CYP26B1: variants seen among roughly 807,000 people sequenced by gnomAD.
The protein encoded by CYP26B1 is cytochrome P450 26B1.
CYP26B1 carries 8 observed loss-of-function variants against 39.1 expected under a neutral mutation model. The ratio of observed to expected loss-of-function variants is 0.20; its 90% CI spans 0.12 to 0.37. CYP26B1 has a LOEUF of 0.37. Ranked by LOEUF, CYP26B1 falls within the 10% of genes least tolerant of loss-of-function variation. The pLI is 1.00. For synonymous variants in CYP26B1, 321 were observed against 314.3 expected (o/e 1.02, Z -0.23); for missense variants, 615 against 707.0 (o/e 0.87, Z 1.48).
rs1420446793 is a variant in CYP26B1 at position 72,129,905 on chromosome 2, G to A, written c.*2322C>T. The A allele has an allele frequency of 1.3e-5, 2 of 152,186 alleles. No homozygotes were observed. The highest frequency in any genetic ancestry group is 4.8e-5 in the African/African-American group (2 of 41,424). 9.4% of individuals were successfully genotyped at this position (152,186 alleles called of 1,614,324 possible). A position where few individuals can be genotyped will look rare whatever the true frequency, so the allele number is the denominator to read the frequency against. On this transcript the variant is annotated 3_prime_UTR_variant, in exon 6 of 6. Coordinates refer to ENST00000001146, the MANE Select transcript of CYP26B1 (RefSeq NM_019885.4). ...AAGGAGGGACCAATTACAACACAGG[G>A]ATCCTGTCAGCCAGCCAGAGCTTTC...
intron 3 of CYP26B1, 111 bp downstream of exon 3, chr2:72,135,033 C>T: frequency 1.9e-6 from 3 of 1,600,518 alleles, no homozygotes; most frequent in Non-Finnish European, 2.5e-6. Flanking sequence ...CCCCTTTGTC[C>T]ATGTGCCCTG....
Position 72,147,612 on chromosome 2 carries a change from G to A in CYP26B1, c.204+19C>T, listed in dbSNP as rs1042389752. On this transcript the variant is annotated intron_variant, in intron 1 of 5. Transcript: ENST00000001146. This position sits in a 1 kb window ranked among gnomAD's most constrained non-coding sequence, Gnocchi z 6.1. ...CAGCTAGCGGACCCCGGAGTGCAGC[G>A]GAGCGAGCGCGCCCTTACCTGCAGC... 8 of 1,600,472 alleles carry A rather than the reference G, an allele frequency of 5.0e-6. No individual in the cohort carries two copies. The highest frequency in any genetic ancestry group is 1.1e-5 in the South Asian group (1 of 88,816).
In CYP26B1 at chr2:72,131,840, C is replaced by T. The variant is rs1032275200; in HGVS notation, c.*387G>A. On this transcript the variant is annotated 3_prime_UTR_variant, in exon 6 of 6. Transcript: ENST00000001146. ...GCTGAAGAGTGCGCCCAAGGGGGCACGGCTCTTCCCGTCCCCCAACCCCAG... is the reference window on the plus strand; with the variant it reads ...GCTGAAGAGTGCGCCCAAGGGGGCATGGCTCTTCCCGTCCCCCAACCCCAG... The T allele has an allele frequency of 9.1e-5, 20 of 219,872 alleles. No homozygotes were observed. Among genetic ancestry groups the T allele is most frequent in the African/African-American group, 4.6e-4 (20 of 43,476 alleles). 13.6% of individuals were successfully genotyped at this position (219,872 alleles called of 1,614,324 possible).
At position 72,134,862 on chromosome 2, in the gene CYP26B1, T is replaced by G; in HGVS notation, c.760A>C (p.Lys254Gln). 1 of 1,614,126 alleles carries G rather than the reference T, an allele frequency of 6.2e-7. No homozygotes were observed. Among genetic ancestry groups the G allele is most frequent in the South Asian group, 1.1e-5 (1 of 91,082 alleles). The change falls in exon 4 of 6, where the codon AAG becomes CAG. Residue 254 changes from lysine (K) to glutamine (Q), a missense_variant. Physicochemically the swap from Lys to Gln is moderately conservative, Grantham distance 53. Coordinates refer to ENST00000001146, the MANE Select transcript of CYP26B1 (RefSeq NM_019885.4). ...TCCTTGCCCTGTGTGCACTGCAGCT[T>G]CTCCCGGATGGCCTTCTCCAGCCCC... ...QKGLEKAIRE[K>Q]LQCTQGKDYL...
chr2:72,131,793 T>G lies in CYP26B1; in HGVS notation c.*434A>C. On this transcript the variant is annotated 3_prime_UTR_variant, in exon 6 of 6. Coordinates refer to ENST00000001146, the MANE Select transcript of CYP26B1 (RefSeq NM_019885.4). Reference sequence around the variant, plus strand: ...GGATGCTGTTCCTGGGCAGACGCAGTGGGGGCGCAGGAGGAGGAGACGCTG... The same window carrying G: ...GGATGCTGTTCCTGGGCAGACGCAGGGGGGGCGCAGGAGGAGGAGACGCTG... 5.8e-6 allele frequency: 1 copy of G among 171,332 alleles called. No individual in the cohort carries two copies. Among genetic ancestry groups the G allele is most frequent in the African/African-American group, 2.4e-5 (1 of 41,882 alleles). The allele number at this position is 171,332 out of a possible 1,614,324, so 10.6% of individuals were successfully genotyped here.
At chr2:72,136,071 C>T (rs1676764362) in intron 2 of CYP26B1, among the ~76,000 whole-genome samples, 2 of 117,452 alleles carry the variant, frequency 1.7e-5, no homozygotes, top group Non-Finnish European at 4.1e-5. Flanking sequence ...TCCCGGCTGG[C>T]TGCGCAGCCC....
At chr2:72,145,443 C>G (rs1040278944) in intron 1 of CYP26B1, among the ~76,000 whole-genome samples, 1 of 152,178 alleles carries the variant, frequency 6.6e-6, no homozygotes, top group Non-Finnish European at 1.5e-5. Flanking sequence ...CGCTGTCCCC[C>G]TCCCAGGCTG....
chr2:72,130,002 C>G lies in CYP26B1; in HGVS notation c.*2225G>C, dbSNP rs1357112776. The G allele has an allele frequency of 1.3e-5, 2 of 152,140 alleles. No individual in the cohort carries two copies. The highest frequency in any genetic ancestry group is 3.2e-3 in the Middle Eastern group (1 of 316). The allele number at this position is 152,140 out of a possible 1,614,324, so 9.4% of individuals were successfully genotyped here. On this transcript the variant is annotated 3_prime_UTR_variant, in exon 6 of 6. Coordinates refer to ENST00000001146, the MANE Select transcript of CYP26B1 (RefSeq NM_019885.4). ...CCTTCTTTCCTCCCTCACAGGGACC[C>G]CCCTCAGCTTTTCCTTCTCTGCCCC...
At chr2:72,133,536 C>T (rs543382056) in intron 4 of CYP26B1, among the ~76,000 whole-genome samples, 2 of 152,222 alleles carry the variant, frequency 1.3e-5, no homozygotes, top group East Asian at 1.9e-4. Context: ...CTGCTGTGAC[C>T]GAGGGCAGAA....
In CYP26B1 at chr2:72,132,217, G is replaced by A. The variant is rs760345819; in HGVS notation, c.*10C>T. On this transcript the variant is annotated 3_prime_UTR_variant, in exon 6 of 6. Coordinates refer to ENST00000001146, the MANE Select transcript of CYP26B1 (RefSeq NM_019885.4). ...CTGCCTGGGCTGGGCTGAGGCGGGT[G>A]GGTCTTGGGTTAGACTGTGGCGCTC... is the stretch of plus-strand genomic sequence containing the variant. 1 of 1,595,158 alleles carries A rather than the reference G, an allele frequency of 6.3e-7. No individual in the cohort carries two copies. The highest frequency in any genetic ancestry group is 8.5e-7 in the Non-Finnish European group (1 of 1,171,566).
chr2:72,144,569 G>A (rs1677063447), intron 1 of CYP26B1: 2 of 887,534 alleles, frequency 2.3e-6, no homozygotes, highest in Non-Finnish European at 2.7e-6. Flanking sequence ...GAGCCTCTCG[G>A]AATAAATATT....
rs572989034 is a variant in CYP26B1 at position 72,135,383 on chromosome 2, T to C, written c.466A>G (p.Ser156Gly). ...ACCAGCTGGATCTTGGGCAGGTAAC[T>C]CTCCAGGGCCTCGTGGCTGAAGATC... ...SKIFSHEALE[S>G]YLPKIQLVIQ... is the part of the protein sequence containing the mutation. Residue 156 changes from serine (S) to glycine (G), a missense_variant, in exon 3 of 6, where the codon AGT (serine) becomes GGT (glycine). Physicochemically the swap from Ser to Gly is moderately conservative, Grantham distance 56. Coordinates refer to ENST00000001146, the MANE Select transcript of CYP26B1 (RefSeq NM_019885.4). The C allele has an allele frequency of 1.7e-4, 267 of 1,613,304 alleles. 2 individuals carry two copies. In the South Asian group the frequency reaches 2.9e-3, roughly 17 times the overall value.
intron 1 of CYP26B1, among the ~76,000 whole-genome samples, chr2:72,144,770 C>T (rs1044676960): frequency 1.3e-5 from 2 of 152,196 alleles, no homozygotes; most frequent in African/African-American, 4.8e-5. Flanking sequence ...GGGTCACGGG[C>T]CCAGAGCCGC....
rs751285139 is a variant in CYP26B1 at position 72,143,948 on chromosome 2, G to T, written c.429+41C>A. The T allele has an allele frequency of 1.2e-5, 19 of 1,607,066 alleles. No homozygotes were observed. The Admixed American group carries it at 2.7e-4, about 23-fold the overall frequency. ...CTCCAGGAACTCCTTGCCCCGAGGT[G>T]GGGGAGGGATTGCGCGGAAGAAAAC... is the stretch of plus-strand genomic sequence containing the variant. On this transcript the variant is annotated intron_variant, in intron 2 of 5. Coordinates refer to ENST00000001146, the MANE Select transcript of CYP26B1 (RefSeq NM_019885.4).
intron 1 of CYP26B1, among the ~76,000 whole-genome samples, chr2:72,145,258 T>C (rs367686975): frequency 1.2e-4 from 19 of 152,204 alleles, no homozygotes; most frequent in African/African-American, 3.9e-4. Flanking sequence ...CACTTTCCTT[T>C]TTTCCACAGA....
Position 72,135,165 on chromosome 2 carries a change from C to T in CYP26B1, c.684G>A (p.Leu228=), listed in dbSNP as rs1676728376. Residue 228 remains leucine, a synonymous_variant, in exon 3 of 6, where the codon CTG becomes CTA. Transcript: ENST00000001146. ...TCACCCGCCGGTAGCCACTGAAGGG[C>T]AGGTCGACAGGCAGGGAGAAGACAT... ...VDNVFSLPVD[L]PFSGYRRGIQ... 6.2e-7 allele frequency: 1 copy of T among 1,613,840 alleles called. No individual in the cohort carries two copies. Among genetic ancestry groups the T allele is most frequent in the South Asian group, 1.1e-5 (1 of 91,090 alleles).
intron 1 of CYP26B1, among the ~76,000 whole-genome samples, chr2:72,145,010 C>T (rs1677079839): frequency 6.6e-6 from 1 of 152,068 alleles, no homozygotes; most frequent in South Asian, 2.1e-4. Context: ...ACCGTGGAGA[C>T]CTCAGAGGGG....
chr2:72,133,733 C>A (rs1192399250), intron 4 of CYP26B1, among the ~76,000 whole-genome samples: 2 of 152,212 alleles, frequency 1.3e-5, no homozygotes, highest in Non-Finnish European at 2.9e-5. Context: ...CGGGCCTTCC[C>A]ACTCCCAGTG....
chr2:72,132,119 T>C lies in CYP26B1; in HGVS notation c.*108A>G. ...GAGGGGGAGCAAGGGAGGGCAAGTA[T>C]GGGGGCCACTCGCCCTCCCCGTTCC... On this transcript the variant is annotated 3_prime_UTR_variant, in exon 6 of 6. Coordinates refer to ENST00000001146, the MANE Select transcript of CYP26B1 (RefSeq NM_019885.4). 1.6e-6 allele frequency: 2 copies of C among 1,280,812 alleles called. No individual in the cohort carries two copies. Among genetic ancestry groups the C allele is most frequent in the South Asian group, 1.4e-5 (1 of 73,006 alleles). 79.3% of individuals were successfully genotyped at this position (1,280,812 alleles called of 1,614,324 possible). A position where few individuals can be genotyped will look rare whatever the true frequency, so the allele number is the denominator to read the frequency against.
Sources: allele counts gnomAD v4.1 joint callset (sites outside exome capture counted in the v4.1 genomes callset), GRCh38; gene constraint gnomAD v4.1.1; non-coding constraint Gnocchi (gnomAD v3.1); transcripts MANE v1.5; gene names NCBI Gene and HGNC (gene_info 2026-07-23, HGNC 2026-07-21).